Variants in UGT1A7 observed in about 807,000 individuals in gnomAD.
The protein encoded by UGT1A7 is UDP-glucuronosyltransferase 1A7.
Under a neutral mutation model 45.6 loss-of-function variants are expected in UGT1A7, and 33 were observed. The ratio of observed to expected loss-of-function variants is 0.72; its 90% CI spans 0.55 to 0.97. The LOEUF (loss-of-function observed/expected upper bound fraction) is 0.97. Ranked by LOEUF, UGT1A7 falls within the 50% of genes least tolerant of loss-of-function variation. The pLI, the probability that UGT1A7 is intolerant of heterozygous loss-of-function variation, is 0.00. For synonymous variants in UGT1A7, 274 were observed against 250.6 expected (o/e 1.09, Z -0.88); for missense variants, 684 against 666.2 (o/e 1.03, Z -0.29).
chr2:233,757,057 G>C (rs1201778154), intron 1 of UGT1A7, among the ~76,000 whole-genome samples: 1 of 151,606 alleles, frequency 6.6e-6, no homozygotes, highest in African/African-American at 2.4e-5. Context: ...TTGGGGAACA[G>C]CAAGGGATCC....
chr2:233,704,728 A>G (rs1466296326), intron 1 of UGT1A7, among the ~76,000 whole-genome samples: 1 of 152,076 alleles, frequency 6.6e-6, no homozygotes, highest in Non-Finnish European at 1.5e-5. Context: ...TTTGCTCCCA[A>G]CTGCCTCCCT....
At chr2:233,693,306 A>C in intron 1 of UGT1A7, 1 of 1,614,218 alleles carries the variant, frequency 6.2e-7, no homozygotes, top group Non-Finnish European at 8.5e-7. Flanking sequence ...CACTTTGCTG[A>C]GCGATCATTC....
At chr2:233,721,765 T>C (rs974997487) in intron 1 of UGT1A7, 7 of 478,556 alleles carry the variant, frequency 1.5e-5, no homozygotes, top group South Asian at 6.1e-5. Context: ...TAAATTGTTA[T>C]ATTTAGCATT....
intron 1 of UGT1A7, among the ~76,000 whole-genome samples, chr2:233,734,449 A>ATTTTGTTGATC (rs2078526533): frequency 6.6e-6 from 1 of 150,978 alleles, no homozygotes; most frequent in Admixed American, 6.6e-5. Context: ...AGGTCTATCA[A>ATTTTGTTGATC]TTTTCAAAAT....
chr2:233,729,125 A>G lies in UGT1A7; in HGVS notation c.856-37909A>G, dbSNP rs760047362. On this transcript the variant is annotated intron_variant, in intron 1 of 4. Transcript: ENST00000373426. ...AGTCAGCTGTCCGTGTCTTCTGCTG[A>G]GATGGCCACAGGACTCCAGGTTCCC... 5 of 1,613,014 alleles carry G rather than the reference A, an allele frequency of 3.1e-6. No individual in the cohort carries two copies. The African/African-American group carries it at 6.7e-5, about 22-fold the overall frequency.
At chr2:233,758,786 G>A (rs1696976610) in intron 1 of UGT1A7, among the ~76,000 whole-genome samples, 1 of 152,212 alleles carries the variant, frequency 6.6e-6, no homozygotes, top group African/African-American at 2.4e-5. Flanking sequence ...GATCTGTGCA[G>A]TTATCTTGGA....
In UGT1A7 at chr2:233,772,242, G is replaced by A. The variant is rs762612938; in HGVS notation, c.1296-20G>A. ...ATACCACAGGTGTTCCAGGCATAAC[G>A]AAACTGTCTTTGTGTTTAGTTACAA... On this transcript the variant is annotated intron_variant, in intron 4 of 4. Transcript: ENST00000373426. 5.6e-6 allele frequency: 9 copies of A among 1,614,002 alleles called. No individual in the cohort carries two copies. Among genetic ancestry groups the A allele is most frequent in the East Asian group, 4.5e-5 (2 of 44,900 alleles).
intron 1 of UGT1A7, among the ~76,000 whole-genome samples, chr2:233,732,581 G>T (rs2078286817): frequency 6.6e-6 from 1 of 152,170 alleles, no homozygotes; most frequent in African/African-American, 2.4e-5. Flanking sequence ...CCCATTGCTT[G>T]TTTTTGTCAG....
At chr2:233,699,264 G>A (rs559256559) in intron 1 of UGT1A7, among the ~76,000 whole-genome samples, 7 of 152,114 alleles carry the variant, frequency 4.6e-5, no homozygotes, top group Non-Finnish European at 7.4e-5. Flanking sequence ...CTTCCTATAG[G>A]GGCTTGAATC....
At chr2:233,730,558 T>A (rs898063469) in intron 1 of UGT1A7, among the ~76,000 whole-genome samples, 1 of 152,142 alleles carries the variant, frequency 6.6e-6, no homozygotes, top group African/African-American at 2.4e-5. Context: ...GATTAGAGAA[T>A]GACACACGAA....
intron 1 of UGT1A7, among the ~76,000 whole-genome samples, chr2:233,731,635 T>A (rs2078185230): frequency 6.6e-6 from 1 of 152,238 alleles, no homozygotes; most frequent in Non-Finnish European, 1.5e-5. Context: ...TATGGCTGCA[T>A]AGTATTCCAT....
rs752305202 is a variant in UGT1A7, at chr2:233,769,534, G to A, written c.1295+1095G>A. ...CTCCCATGGTTACCTCCTTTAGAAA[G>A]AAGCAGCAGTCAGGAAGACAGATGT... On this transcript the variant is annotated intron_variant, in intron 4 of 4. Transcript: ENST00000373426. This position sits in a 1 kb window ranked among gnomAD's most constrained non-coding sequence, Gnocchi z 4.4. 1.9e-6 allele frequency: 3 copies of A among 1,612,926 alleles called. No homozygotes were observed. Among genetic ancestry groups the A allele is most frequent in the Non-Finnish European group, 2.5e-6 (3 of 1,179,884 alleles).
chr2:233,693,465 C>A, intron 1 of UGT1A7: 4 of 1,614,070 alleles, frequency 2.5e-6, no homozygotes, highest in Non-Finnish European at 3.4e-6. Context: ...CCAGCCTTAC[C>A]CTGTGGGGTG....
chr2:233,717,800 C>T, intron 1 of UGT1A7: 1 of 456,072 alleles, frequency 2.2e-6, no homozygotes, highest in Non-Finnish European at 4.4e-6. Flanking sequence ...AAGTAGTGCC[C>T]CCACAAATTA....
At chr2:233,703,429 CT>C (rs2075738163) in intron 1 of UGT1A7, among the ~76,000 whole-genome samples, 1 of 151,928 alleles carries the variant, frequency 6.6e-6, no homozygotes, top group Non-Finnish European at 1.5e-5. Context: ...TCTATTGCTT[CT>C]CTATTTCTAT....
chr2:233,698,798 C>T (rs572322118), intron 1 of UGT1A7, among the ~76,000 whole-genome samples: 1 of 152,238 alleles, frequency 6.6e-6, no homozygotes, highest in South Asian at 2.1e-4. Flanking sequence ...AACCTCTGGG[C>T]TCCCAGCCTC....
intron 1 of UGT1A7, among the ~76,000 whole-genome samples, chr2:233,751,403 T>G (rs1694718342): frequency 6.6e-6 from 1 of 152,162 alleles, no homozygotes; most frequent in Admixed American, 6.5e-5. Flanking sequence ...GACTTTGGAC[T>G]ATGGACTTTT....
chr2:233,735,687 T>A (rs1251778606), intron 1 of UGT1A7, among the ~76,000 whole-genome samples: 1 of 152,148 alleles, frequency 6.6e-6, no homozygotes, highest in Non-Finnish European at 1.5e-5. Context: ...CTTTAGGAGC[T>A]CTTGTAAGGC....
rs377261801 is a variant in UGT1A7, at chr2:233,719,531, G to C, written c.855+36739G>C. On this transcript the variant is annotated intron_variant, in intron 1 of 4. Transcript: ENST00000373426. ...CCCCTTATGCAAGTCTTGCCTCTGAGCTTTTTCAGAGAGAGGTGTCAGTGG... is the reference window on the plus strand; with the variant it reads ...CCCCTTATGCAAGTCTTGCCTCTGACCTTTTTCAGAGAGAGGTGTCAGTGG... 3.1e-5 allele frequency: 50 copies of C among 1,613,928 alleles called. No homozygotes were observed. In the African/African-American group the frequency reaches 6.5e-4, roughly 21 times the overall value.
Sources: allele counts gnomAD v4.1 joint callset (sites outside exome capture counted in the v4.1 genomes callset), GRCh38; gene constraint gnomAD v4.1.1; non-coding constraint Gnocchi (gnomAD v3.1); transcripts MANE v1.5; gene names NCBI Gene and HGNC (gene_info 2026-07-23, HGNC 2026-07-21).